KCNH7: variants seen among roughly 807,000 people sequenced by gnomAD.
The protein encoded by KCNH7 is potassium voltage-gated channel subfamily H member 7.
A neutral mutation model predicts 120.8 loss-of-function variants in KCNH7; 49 were observed. The observed-to-expected ratio is 0.41, with a 90% CI of 0.32 to 0.51. KCNH7 has a LOEUF of 0.51. KCNH7 is among the 20% of genes least tolerant of loss of function. The pLI is 0.38. For missense variants in KCNH7, 1,097 were observed against 1,446.6 expected (o/e 0.76, Z 3.92); for synonymous variants, 547 against 516.1 (o/e 1.06, Z -0.81).
At chr2:162,547,537 A>G (rs1431484119) in intron 2 of KCNH7, among the ~76,000 whole-genome samples, 1 of 152,182 alleles carries the variant, frequency 6.6e-6, no homozygotes, top group Non-Finnish European at 1.5e-5. Context: ...TGTTCTTGAC[A>G]TTCTTTGTCT....
chr2:162,774,445 G>T (rs1432654913), intron 2 of KCNH7, among the ~76,000 whole-genome samples: 2 of 152,090 alleles, frequency 1.3e-5, no homozygotes, highest in Non-Finnish European at 2.9e-5. Context: ...TTCTGGGAGT[G>T]GGATTATCAG....
intron 2 of KCNH7, among the ~76,000 whole-genome samples, chr2:162,575,137 C>T (rs552113954): frequency 9.2e-5 from 14 of 152,052 alleles, no homozygotes; most frequent in Non-Finnish European, 1.5e-4. Context: ...CAGGCTGAGC[C>T]GGGATCTAGA....
chr2:162,611,083 T>C (rs1420547580), intron 2 of KCNH7, among the ~76,000 whole-genome samples: 1 of 152,174 alleles, frequency 6.6e-6, no homozygotes, highest in Non-Finnish European at 1.5e-5. Flanking sequence ...TTCTCAGGCA[T>C]GTCATGTGGT....
intron 2 of KCNH7, among the ~76,000 whole-genome samples, chr2:162,690,006 A>G (rs1015687755): frequency 1.3e-5 from 2 of 152,206 alleles, no homozygotes; most frequent in African/African-American, 2.4e-5. Context: ...AGACTGGATA[A>G]AGAAAATGTG....
intron 9 of KCNH7, among the ~76,000 whole-genome samples, chr2:162,417,261 A>G (rs1161060011): frequency 1.3e-5 from 2 of 152,170 alleles, no homozygotes; most frequent in Admixed American, 1.3e-4. Flanking sequence ...GAATGAAAAG[A>G]GACTTAAAAT....
chr2:162,517,718 A>C lies in KCNH7; in HGVS notation c.892+12T>G. 1 of 1,541,630 alleles carries C rather than the reference A, an allele frequency of 6.5e-7. No individual in the cohort carries two copies. Among genetic ancestry groups the C allele is most frequent in the Non-Finnish European group, 8.8e-7 (1 of 1,141,072 alleles). ...TAATATATGTTTCCATTTAAAAAAA[A>C]ATCAAACATACCTTCGCTGGCATGT... On this transcript the variant is annotated intron_variant, in intron 4 of 15. Coordinates refer to ENST00000332142, the MANE Select transcript of KCNH7 (RefSeq NM_033272.4).
chr2:162,830,403 T>C lies in KCNH7; in HGVS notation c.307+6134A>G, dbSNP rs1014936397. On this transcript the variant is annotated intron_variant, in intron 2 of 15. Transcript: ENST00000332142. Reference sequence around the variant, plus strand: ...TAATTGATATTTATTGAACACATTATGGAAACCATGCCAGAAATAATGCTG... The same window carrying C: ...TAATTGATATTTATTGAACACATTACGGAAACCATGCCAGAAATAATGCTG... Among the ~76,000 whole-genome samples, 52 of 152,164 alleles carry C rather than the reference T, an allele frequency of 3.4e-4. 1 individual carries two copies. Among genetic ancestry groups the C allele is most frequent in the Admixed American group, 2.8e-3 (43 of 15,272 alleles).
chr2:162,449,064 A>G (rs568297450), intron 6 of KCNH7, among the ~76,000 whole-genome samples: 1 of 152,106 alleles, frequency 6.6e-6, no homozygotes, highest in East Asian at 1.9e-4. Context: ...GACAGAATGA[A>G]CAAGGGTAAG....
intron 2 of KCNH7, among the ~76,000 whole-genome samples, chr2:162,551,939 G>A (rs1322081001): frequency 6.6e-6 from 1 of 152,130 alleles, no homozygotes; most frequent in Non-Finnish European, 1.5e-5. Flanking sequence ...TGGTGGAAAT[G>A]TAACATTTTT....
chr2:162,472,862 G>A (rs1267350081), intron 6 of KCNH7, among the ~76,000 whole-genome samples: 1 of 152,148 alleles, frequency 6.6e-6, no homozygotes, highest in African/African-American at 2.4e-5. Context: ...GTGATAGACT[G>A]GATTAAGAAA....
chr2:162,403,489 C>T (rs1401645170), intron 9 of KCNH7, among the ~76,000 whole-genome samples: 2 of 151,870 alleles, frequency 1.3e-5, no homozygotes, highest in East Asian at 1.9e-4. Context: ...TATCGGAATT[C>T]CAACAGTTTT....
At chr2:162,575,146 G>C (rs564301637) in intron 2 of KCNH7, among the ~76,000 whole-genome samples, 12 of 152,170 alleles carry the variant, frequency 7.9e-5, no homozygotes, top group African/African-American at 2.9e-4. Context: ...CCGGGATCTA[G>C]AACTGGGAAT....
At chr2:162,731,996 C>T (rs1316965919) in intron 2 of KCNH7, among the ~76,000 whole-genome samples, 1 of 152,112 alleles carries the variant, frequency 6.6e-6, no homozygotes, top group Non-Finnish European at 1.5e-5. Flanking sequence ...GAGTTTTCAG[C>T]TAAATGGCAA....
chr2:162,580,167 A>C (rs1693822871), intron 2 of KCNH7, among the ~76,000 whole-genome samples: 1 of 151,954 alleles, frequency 6.6e-6, no homozygotes, highest in Admixed American at 6.6e-5. Context: ...TTCTAACTGA[A>C]CCCTTGTCCT....
intron 2 of KCNH7, among the ~76,000 whole-genome samples, chr2:162,672,731 A>T (rs912723467): frequency 6.6e-6 from 1 of 151,968 alleles, no homozygotes; most frequent in Admixed American, 6.6e-5. Flanking sequence ...CTTACCAGGC[A>T]TATGATGAAT....
At chr2:162,559,282 T>C (rs1482067747) in intron 2 of KCNH7, among the ~76,000 whole-genome samples, 1 of 151,970 alleles carries the variant, frequency 6.6e-6, no homozygotes, top group African/African-American at 2.4e-5. Context: ...AATAGATAAT[T>C]TCTAAAGAAC....
chr2:162,386,290 A>G (rs1686569416), intron 12 of KCNH7, among the ~76,000 whole-genome samples: 1 of 151,606 alleles, frequency 6.6e-6, no homozygotes, highest in South Asian at 2.1e-4. Flanking sequence ...ACCTCCTTAA[A>G]CCTCTAAAAT....
intron 6 of KCNH7, among the ~76,000 whole-genome samples, chr2:162,491,630 C>A (rs1279539097): frequency 6.6e-6 from 1 of 152,206 alleles, no homozygotes; most frequent in African/African-American, 2.4e-5. Context: ...TTAGGCCTCC[C>A]TGTTAACATG....
At chr2:162,449,448 C>A (rs1688693090) in intron 6 of KCNH7, among the ~76,000 whole-genome samples, 2 of 152,034 alleles carry the variant, frequency 1.3e-5, no homozygotes, top group South Asian at 4.2e-4. Context: ...AGTCATAATT[C>A]CCAGTACCTA....
Sources: allele counts gnomAD v4.1 joint callset (sites outside exome capture counted in the v4.1 genomes callset), GRCh38; gene constraint gnomAD v4.1.1; transcripts MANE v1.5; gene names NCBI Gene and HGNC (gene_info 2026-07-23, HGNC 2026-07-21).